SYT1: variants seen among roughly 807,000 people sequenced by gnomAD.
SYT1 encodes the protein synaptotagmin 1.
SYT1 carries 8 observed loss-of-function variants against 44.8 expected under a neutral mutation model. The ratio of observed to expected loss-of-function variants is 0.18; its 90% CI spans 0.10 to 0.32. The LOEUF (loss-of-function observed/expected upper bound fraction) is 0.32. Among genes scored for constraint, SYT1 ranks in the 10% least tolerant of loss-of-function variants. The pLI is 1.00. For synonymous variants in SYT1, 154 were observed against 188.8 expected, an observed-to-expected ratio of 0.82 and a Z score of 1.51; for missense variants, 286 against 509.3, an observed-to-expected ratio of 0.56 and a Z score of 4.22.
chr12:79,070,016 T>C (rs1160796816), intron 3 of SYT1, among the ~76,000 whole-genome samples: 1 of 152,122 alleles, frequency 6.6e-6, no homozygotes, highest in Non-Finnish European at 1.5e-5. Context: ...ATGCCTTTCA[T>C]TTTCATCCTT....
chr12:79,074,963 A>G (rs1455484164), intron 3 of SYT1, among the ~76,000 whole-genome samples: 1 of 152,166 alleles, frequency 6.6e-6, no homozygotes, highest in Non-Finnish European at 1.5e-5. Flanking sequence ...AAAAAATACT[A>G]TGTACTTCAC....
intron 2 of SYT1, among the ~76,000 whole-genome samples, chr12:79,016,318 T>C (rs573891189): frequency 2.8e-4 from 42 of 152,304 alleles, no homozygotes; most frequent in African/African-American, 9.4e-4. Flanking sequence ...TCATACGTGT[T>C]TCTAGAATTA....
chr12:79,092,759 T>G (rs575550906), intron 3 of SYT1, among the ~76,000 whole-genome samples: 1 of 151,758 alleles, frequency 6.6e-6, no homozygotes, highest in South Asian at 2.1e-4. Flanking sequence ...TTCTATAAAT[T>G]TCATTGAAGA....
intron 2 of SYT1, among the ~76,000 whole-genome samples, chr12:79,027,416 A>T (rs560937314): frequency 3.3e-5 from 5 of 151,636 alleles, no homozygotes; most frequent in African/African-American, 1.2e-4. Context: ...AACACTAGAA[A>T]CACTGTCTAT....
chr12:79,291,960 T>G (rs773031680), intron 5 of SYT1, 48 bp from the exon 6 acceptor site: 6 of 1,610,936 alleles, frequency 3.7e-6, no homozygotes, highest in Non-Finnish European at 4.2e-6. Context: ...CAATTTGAGT[T>G]TTGATGAAAA....
chr12:79,323,175 C>A (rs1310142514), intron 8 of SYT1, among the ~76,000 whole-genome samples: 1 of 151,568 alleles, frequency 6.6e-6, no homozygotes, highest in Non-Finnish European at 1.5e-5. Context: ...CCTATCACAG[C>A]AGGACATACT....
At chr12:79,032,829 C>A (rs1488429260) in intron 2 of SYT1, among the ~76,000 whole-genome samples, 1 of 151,154 alleles carries the variant, frequency 6.6e-6, no homozygotes, top group Non-Finnish European at 1.5e-5. Context: ...GAGAGAAAAT[C>A]ACAACGCTAA....
At chr12:79,401,258 A>G (rs1402603999) in intron 9 of SYT1, among the ~76,000 whole-genome samples, 1 of 152,114 alleles carries the variant, frequency 6.6e-6, no homozygotes, top group African/African-American at 2.4e-5. Context: ...GCCAGGCACA[A>G]TGACTCATGC....
intron 1 of SYT1, among the ~76,000 whole-genome samples, chr12:78,897,341 A>G (rs528614761): frequency 6.8e-4 from 104 of 152,092 alleles, no homozygotes; most frequent in East Asian, 3.5e-3. Flanking sequence ...CAGACATGGG[A>G]ATATTACCCA....
intron 4 of SYT1, among the ~76,000 whole-genome samples, chr12:79,249,106 T>TTTTTA (rs1877029437): frequency 1.7e-5 from 2 of 120,620 alleles, no homozygotes; most frequent in Non-Finnish European, 3.4e-5. Context: ...TTTTTTTTTT[T>TTTTTA]TTTTTTTTTG....
Position 79,040,072 on chromosome 12 carries a change from G to A in SYT1, c.-83-7225G>A, listed in dbSNP as rs543048825. ...AGTCTTTGCTATTGTGAGTAATGCC[G>A]CAATAAACATACGGGTGCATGTGTC... On this transcript the variant is annotated intron_variant, in intron 2 of 10. Coordinates refer to ENST00000261205, the MANE Select transcript of SYT1 (RefSeq NM_005639.3). Among the ~76,000 whole-genome samples, 267 of 152,096 alleles carry A rather than the reference G, an allele frequency of 1.8e-3. 2 individuals carry two copies. Among genetic ancestry groups the A allele is most frequent in the Middle Eastern group, 0.01 (3 of 294 alleles).
At chr12:78,933,490 T>C (rs1400652112) in intron 1 of SYT1, among the ~76,000 whole-genome samples, 2 of 152,182 alleles carry the variant, frequency 1.3e-5, no homozygotes, top group African/African-American at 4.8e-5. Flanking sequence ...ATAATTTGAT[T>C]TTGGCTTAAA....
chr12:78,922,102 G>A (rs770658324), intron 1 of SYT1, among the ~76,000 whole-genome samples: 58 of 151,774 alleles, frequency 3.8e-4, no homozygotes, highest in Non-Finnish European at 6.8e-4. Context: ...GGGTTTACTT[G>A]ACTTTTCTCC....
At chr12:78,882,832 T>C (rs1156616759) in intron 1 of SYT1, among the ~76,000 whole-genome samples, 1 of 151,766 alleles carries the variant, frequency 6.6e-6, no homozygotes, top group African/African-American at 2.4e-5. Context: ...TTTATCCAAT[T>C]GTTTTGATAA....
At position 78,996,216 on chromosome 12, in the gene SYT1, T is replaced by C. The variant is rs140761446; in HGVS notation, c.-84+18285T>C. Among the ~76,000 whole-genome samples the C allele has an allele frequency of 4.5e-3, 691 of 152,272 alleles. 5 individuals are homozygous for C. Among genetic ancestry groups the C allele is most frequent in the African/African-American group, 0.015 (640 of 41,572 alleles). On this transcript the variant is annotated intron_variant, in intron 2 of 10. Coordinates refer to ENST00000261205, the MANE Select transcript of SYT1 (RefSeq NM_005639.3). ...CTACCTCAGTGCATTAAGTAAACCA[T>C]AAAAAGAGGTATTAATAGTAATTTT...
chr12:79,245,862 T>C (rs1431623720), intron 4 of SYT1, among the ~76,000 whole-genome samples: 1 of 151,784 alleles, frequency 6.6e-6, no homozygotes, highest in African/African-American at 2.4e-5. Context: ...AAAAAGAATA[T>C]ATAACAGTAG....
At chr12:79,326,772 C>G (rs1264613171) in intron 8 of SYT1, among the ~76,000 whole-genome samples, 1 of 152,168 alleles carries the variant, frequency 6.6e-6, no homozygotes, top group Non-Finnish European at 1.5e-5. Flanking sequence ...TCAGAGACTT[C>G]TTCAGATTCC....
chr12:79,248,314 GA>G (rs892376836), intron 4 of SYT1, among the ~76,000 whole-genome samples: 2 of 152,118 alleles, frequency 1.3e-5, no homozygotes, highest in African/African-American at 2.4e-5. Flanking sequence ...AAATATATTA[GA>G]AAAAAACTAG....
At chr12:79,216,614 C>T (rs1918192) in intron 3 of SYT1, among the ~76,000 whole-genome samples, 2,232 of 152,204 alleles carry the variant, frequency 0.015, 37 homozygotes, top group African/African-American at 0.044. Context: ...GTTTATTTAA[C>T]TAGTGAAGAG....
Sources: gnomAD v4.1 joint callset for allele counts (sites outside exome capture counted in the v4.1 genomes callset) on GRCh38, gnomAD v4.1.1 for gene constraint, MANE v1.5 for transcripts, NCBI Gene and HGNC (gene_info 2026-07-23, HGNC 2026-07-21) for gene names.